OIT3: variants seen among roughly 807,000 people sequenced by gnomAD.
OIT3 encodes oncoprotein-induced transcript 3 protein.
OIT3 carries 41 observed loss-of-function variants against 52.2 expected under a neutral mutation model. The observed-to-expected ratio is 0.79, with a 90% CI of 0.61 to 1.02. The LOEUF is 1.02. Among genes scored for constraint, OIT3 ranks in the 50% least tolerant of loss-of-function variants. The pLI, the probability that OIT3 is intolerant of heterozygous loss-of-function variation, is 0.00. For missense variants in OIT3, 634 were observed against 715.5 expected, an observed-to-expected ratio of 0.89 and a Z score of 1.30; for synonymous variants, 244 against 276.9, an observed-to-expected ratio of 0.88 and a Z score of 1.18.
At chr10:72,919,163 C>T (rs1183464142) in intron 6 of OIT3, among the ~76,000 whole-genome samples, 1 of 152,066 alleles carries the variant, frequency 6.6e-6, no homozygotes, top group Non-Finnish European at 1.5e-5. Flanking sequence ...AGAGATCTTT[C>T]ACTTCTCTTG....
At chr10:72,912,850 C>A (rs937450852) in intron 5 of OIT3, among the ~76,000 whole-genome samples, 31 of 152,126 alleles carry the variant, frequency 2.0e-4, no homozygotes, top group African/African-American at 7.2e-4. Context: ...AATTTGGAAG[C>A]CTTTCCCAAG....
intron 3 of OIT3, among the ~76,000 whole-genome samples, chr10:72,900,955 C>A (rs76439160): frequency 0.04 from 6,044 of 152,078 alleles, 389 homozygotes; most frequent in African/African-American, 0.13. Flanking sequence ...ATAGTCTCAG[C>A]TCCTCAGGAG....
At chr10:72,907,915 G>A (rs928369242) in intron 4 of OIT3, among the ~76,000 whole-genome samples, 3 of 151,872 alleles carry the variant, frequency 2.0e-5, no homozygotes, top group African/African-American at 7.3e-5. Context: ...CTTCTCTAAG[G>A]CACATTTACC....
chr10:72,930,157 C>T (rs1846203395), intron 7 of OIT3, among the ~76,000 whole-genome samples: 1 of 152,168 alleles, frequency 6.6e-6, no homozygotes, highest in Non-Finnish European at 1.5e-5. Context: ...AAAGCCTTCT[C>T]AAATCAATAC....
Position 72,932,537 on chromosome 10 carries a change from C to G in OIT3, c.*13C>G. On this transcript the variant is annotated 3_prime_UTR_variant, in exon 9 of 9. Transcript: ENST00000334011. ...CTGGGAGGACTAGTTCGTAGCCATA[C>G]CTCGAGTCCCTGCATTGGACGGCTC... The G allele has an allele frequency of 6.3e-7, 1 of 1,579,476 alleles. No homozygotes were observed. The highest frequency in any genetic ancestry group is 8.6e-7 in the Non-Finnish European group (1 of 1,162,764).
chr10:72,924,319 A>G lies in OIT3; in HGVS notation c.1042A>G (p.Ser348Gly). 6.2e-7 allele frequency: 1 copy of G among 1,614,186 alleles called. No individual in the cohort carries two copies. The highest frequency in any genetic ancestry group is 1.7e-4 in the Middle Eastern group (1 of 6,060). Residue 348 changes from serine to glycine, a missense_variant, in exon 7 of 9, where the codon AGC (serine) becomes GGC (glycine). By Grantham distance (56) the Ser-to-Gly change is moderately conservative. Transcript: ENST00000334011. ...CAGCGGGGACTTCATCATCCGAACC[A>G]GCAAGCTGCTGATCCCGGTGACCTG... ...GSSGDFIIRT[S>G]KLLIPVTCEF...
At chr10:72,927,591 A>G (rs1427894668) in intron 7 of OIT3, among the ~76,000 whole-genome samples, 1 of 152,232 alleles carries the variant, frequency 6.6e-6, no homozygotes, top group Non-Finnish European at 1.5e-5. Flanking sequence ...CTACTTTGTA[A>G]GCAGACAAAT....
At chr10:72,919,276 C>T (rs1478557367) in intron 6 of OIT3, among the ~76,000 whole-genome samples, 1 of 152,008 alleles carries the variant, frequency 6.6e-6, no homozygotes, top group Non-Finnish European at 1.5e-5. Flanking sequence ...TATAAGAATG[C>T]CGGCATTTTT....
chr10:72,919,506 G>C (rs1449340377), intron 6 of OIT3, among the ~76,000 whole-genome samples: 1 of 152,164 alleles, frequency 6.6e-6, no homozygotes, highest in Non-Finnish European at 1.5e-5. Flanking sequence ...TGGTGAGAGA[G>C]TGCATCTTTG....
chr10:72,904,724 G>A (rs1845963799), intron 3 of OIT3, among the ~76,000 whole-genome samples: 1 of 152,064 alleles, frequency 6.6e-6, no homozygotes, highest in African/African-American at 2.4e-5. Context: ...TCACGATAAT[G>A]CTCTCTCACA....
intron 5 of OIT3, among the ~76,000 whole-genome samples, chr10:72,912,351 A>G (rs1846037097): frequency 1.3e-5 from 2 of 148,188 alleles, no homozygotes; most frequent in African/African-American, 5.1e-5. Context: ...GCTCACTGCA[A>G]CCTCCACCTC....
chr10:72,917,485 A>C (rs1478664332), intron 6 of OIT3, among the ~76,000 whole-genome samples: 2 of 152,220 alleles, frequency 1.3e-5, no homozygotes, highest in Non-Finnish European at 2.9e-5. Context: ...CATTTTGGAC[A>C]ACACATTCTT....
chr10:72,932,466 C>A lies in OIT3; in HGVS notation c.1580C>A (p.Ala527Asp). ...MRRGAGGEDS[A>D]GLQGQTLTGG... ...CGTGGGGCAGGAGGAGAGGACTCAG[C>A]CGGTCTACAGGGCCAGACGCTAACA... Residue 527 changes from alanine (A) to aspartate (D), a missense_variant, in exon 9 of 9, where the codon GCC becomes GAC. Coordinates refer to ENST00000334011, the MANE Select transcript of OIT3 (RefSeq NM_152635.3). 6.2e-7 allele frequency: 1 copy of A among 1,613,906 alleles called. No homozygotes were observed. Among genetic ancestry groups the A allele is most frequent in the Non-Finnish European group, 8.5e-7 (1 of 1,179,880 alleles).
chr10:72,903,833 C>T (rs951916349), intron 3 of OIT3, among the ~76,000 whole-genome samples: 1 of 151,862 alleles, frequency 6.6e-6, no homozygotes, highest in African/African-American at 2.4e-5. Context: ...TAACAATAAA[C>T]CCCAAATAAT....
chr10:72,914,864 A>G (rs1050841547), intron 6 of OIT3, among the ~76,000 whole-genome samples: 3 of 150,578 alleles, frequency 2.0e-5, no homozygotes, highest in African/African-American at 7.3e-5. Context: ...AGTGTGTAAA[A>G]CTCTTTTTTT....
At chr10:72,925,734 C>T (rs73288645) in intron 7 of OIT3, among the ~76,000 whole-genome samples, 6,000 of 152,184 alleles carry the variant, frequency 0.039, 397 homozygotes, top group African/African-American at 0.14. Context: ...GTCTCATCCT[C>T]CCAAGTAGCC....
chr10:72,931,068 C>T, intron 8 of OIT3, among the ~76,000 whole-genome samples: 1 of 152,068 alleles, frequency 6.6e-6, no homozygotes, highest in East Asian at 1.9e-4. Context: ...CCATTTTATA[C>T]ATATTAAATT....
chr10:72,904,728 T>C (rs927548395), intron 3 of OIT3, among the ~76,000 whole-genome samples: 5 of 152,246 alleles, frequency 3.3e-5, no homozygotes, highest in Admixed American at 6.5e-5. Context: ...GATAATGCTC[T>C]CTCACAGTGG....
rs1374130046 is a variant in OIT3, at chr10:72,913,348, C to G, written c.831C>G (p.Ile277Met). The G allele has an allele frequency of 1.2e-6, 2 of 1,613,308 alleles. No individual in the cohort carries two copies. Among genetic ancestry groups the G allele is most frequent in the Admixed American group, 3.3e-5 (2 of 59,984 alleles). Residue 277 changes from isoleucine (I) to methionine (M), a missense_variant, in exon 6 of 9, where the codon ATC becomes ATG. Physicochemically the swap from Ile to Met is conservative, Grantham distance 10. Transcript: ENST00000334011. Reference protein sequence around the residue: ...LCKSNAIEVNIPRELVGGLEL... With the variant: ...LCKSNAIEVNMPRELVGGLEL... ...AATCAAATGCCATTGAAGTGAACAT[C>G]CCCAGGGAGCTGGTTGGTGGCCTGG...
Sources: allele counts gnomAD v4.1 joint callset (sites outside exome capture counted in the v4.1 genomes callset), GRCh38; gene constraint gnomAD v4.1.1; transcripts MANE v1.5; gene names NCBI Gene and HGNC (gene_info 2026-07-23, HGNC 2026-07-21).